Variants in NRXN3 observed in about 807,000 individuals in gnomAD.
NRXN3 encodes the protein neurexin 3.
NRXN3 carries 32 observed loss-of-function variants against 137.6 expected under a neutral mutation model. The ratio of observed to expected loss-of-function variants is 0.23; its 90% confidence interval spans 0.18 to 0.31. The LOEUF is 0.31. Among genes scored for constraint, NRXN3 ranks in the 10% least tolerant of loss-of-function variants. The probability of loss-of-function intolerance (pLI) is 1.00; values close to 1 mark genes in which losing one functional copy is unlikely to be tolerated. For synonymous variants in NRXN3, 798 were observed against 784.5 expected, an observed-to-expected ratio of 1.02 and a Z score of -0.29; for missense variants, 1,574 against 2,062.5, an observed-to-expected ratio of 0.76 and a Z score of 4.59.
intron 19 of NRXN3, among the ~76,000 whole-genome samples, chr14:79,744,954 G>T (rs1568088489): frequency 6.6e-6 from 1 of 151,084 alleles, no homozygotes; most frequent in East Asian, 1.9e-4. Flanking sequence ...CTAGGGCAAG[G>T]TCAGAAGATA....
At chr14:79,595,294 G>C (rs2097849163) in intron 16 of NRXN3, among the ~76,000 whole-genome samples, 1 of 152,136 alleles carries the variant, frequency 6.6e-6, no homozygotes, top group African/African-American at 2.4e-5. Flanking sequence ...GCATATGAAA[G>C]ATTTATGGTA....
intron 15 of NRXN3, among the ~76,000 whole-genome samples, chr14:79,108,399 A>C (rs944421009): frequency 6.6e-6 from 1 of 152,136 alleles, no homozygotes; most frequent in African/African-American, 2.4e-5. Context: ...ACACACACAA[A>C]AACATCGTTT....
intron 4 of NRXN3, among the ~76,000 whole-genome samples, chr14:78,323,037 AG>A (rs1384186866): frequency 6.6e-6 from 1 of 152,072 alleles, no homozygotes; most frequent in Non-Finnish European, 1.5e-5. Flanking sequence ...CTACAAATAA[AG>A]GCTTGATGTT....
chr14:78,594,032 C>T (rs1222135581), intron 4 of NRXN3, among the ~76,000 whole-genome samples: 4 of 152,196 alleles, frequency 2.6e-5, no homozygotes, highest in African/African-American at 9.7e-5. Flanking sequence ...GCCACCCCAC[C>T]CAGAGCATGC....
intron 15 of NRXN3, among the ~76,000 whole-genome samples, chr14:79,334,552 G>A (rs1598838740): frequency 6.6e-6 from 1 of 152,188 alleles, no homozygotes; most frequent in East Asian, 1.9e-4. Context: ...AGATAACCAG[G>A]AGCATATTGT....
chr14:79,764,429 A>C (rs750382092), intron 19 of NRXN3, among the ~76,000 whole-genome samples: 112 of 152,282 alleles, frequency 7.4e-4, no homozygotes, highest in Non-Finnish European at 1.1e-3. Context: ...TGCATTGTAA[A>C]TATTAGCTCA....
At chr14:79,741,727 C>G (rs1317102572) in intron 19 of NRXN3, among the ~76,000 whole-genome samples, 1 of 151,886 alleles carries the variant, frequency 6.6e-6, no homozygotes, top group Non-Finnish European at 1.5e-5. Flanking sequence ...CTCAAGTGAT[C>G]TGCCCACCTC....
chr14:78,520,189 T>G (rs2096266588), intron 4 of NRXN3, among the ~76,000 whole-genome samples: 1 of 152,178 alleles, frequency 6.6e-6, no homozygotes. Context: ...GGACCTTGCC[T>G]TGGATACTAC....
Position 78,612,450 on chromosome 14 carries a change from A to G in NRXN3, c.758-32670A>G, listed in dbSNP as rs542477514. 2.0e-5 allele frequency among the ~76,000 whole-genome samples: 3 copies of G among 152,330 alleles called. No homozygotes were observed. In the South Asian group the frequency reaches 6.2e-4, roughly 32 times the overall value. ...ATAGTGGTTTTCAATCATATGAAAGAATGATTTATATTGATAAAGAGATCA... is the reference window on the plus strand; with the variant it reads ...ATAGTGGTTTTCAATCATATGAAAGGATGATTTATATTGATAAAGAGATCA... On this transcript the variant is annotated intron_variant, in intron 4 of 20. Coordinates refer to ENST00000335750, the MANE Select transcript of NRXN3 (RefSeq NM_001330195.2).
At chr14:78,359,393 C>G (rs748846239) in intron 4 of NRXN3, among the ~76,000 whole-genome samples, 1 of 151,912 alleles carries the variant, frequency 6.6e-6, no homozygotes, top group Non-Finnish European at 1.5e-5. Flanking sequence ...ACTGTGCAGT[C>G]ACAGAGGGCC....
intron 4 of NRXN3, among the ~76,000 whole-genome samples, chr14:78,343,957 A>T (rs2082421206): frequency 6.6e-6 from 1 of 152,238 alleles, no homozygotes; most frequent in Admixed American, 6.5e-5. Flanking sequence ...CTTGCTGCAC[A>T]TTAGAATCAT....
intron 14 of NRXN3, among the ~76,000 whole-genome samples, chr14:78,978,709 TTATA>T (rs1434222433): frequency 6.7e-6 from 1 of 148,160 alleles, no homozygotes; most frequent in African/African-American, 2.5e-5. Context: ...TATATGCATC[TTATA>T]TATAATATAT....
intron 8 of NRXN3, among the ~76,000 whole-genome samples, chr14:78,720,703 A>G (rs925483635): frequency 6.6e-6 from 1 of 152,210 alleles, no homozygotes; most frequent in Non-Finnish European, 1.5e-5. Context: ...GGACAACTAT[A>G]TAGCATGTAG....
In NRXN3 at chr14:79,569,717, T is replaced by G. The variant is rs145360917; in HGVS notation, c.3445-94061T>G. ...TCCGTCTCCCGGGTTCAAGTGATTCTCATGCCTCAGCCTCCTGAGTAGCTG... is the reference window on the plus strand; with the variant it reads ...TCCGTCTCCCGGGTTCAAGTGATTCGCATGCCTCAGCCTCCTGAGTAGCTG... On this transcript the variant is annotated intron_variant, in intron 16 of 20. Coordinates refer to ENST00000335750, the MANE Select transcript of NRXN3 (RefSeq NM_001330195.2). 9.4e-3 allele frequency among the ~76,000 whole-genome samples: 1,427 copies of G among 152,114 alleles called. 25 individuals carry two copies. Among genetic ancestry groups the G allele is most frequent in the African/African-American group, 0.033 (1,356 of 41,476 alleles).
chr14:78,513,201 G>C (rs1319655459), intron 4 of NRXN3, among the ~76,000 whole-genome samples: 1 of 152,186 alleles, frequency 6.6e-6, no homozygotes, highest in Non-Finnish European at 1.5e-5. Flanking sequence ...TTAGCTCTGT[G>C]TGATCTTGCA....
chr14:79,033,859 T>C (rs1440232871), intron 15 of NRXN3, among the ~76,000 whole-genome samples: 1 of 152,136 alleles, frequency 6.6e-6, no homozygotes, highest in Non-Finnish European at 1.5e-5. Flanking sequence ...CCGGAGCTCT[T>C]AATGGGCATC....
intron 15 of NRXN3, chr14:79,279,973 G>T (rs1197433835): frequency 1.7e-6 from 2 of 1,153,022 alleles, no homozygotes; most frequent in Non-Finnish European, 2.1e-6. Flanking sequence ...TCCGGAGGAA[G>T]CCGCGCCGGT....
chr14:79,157,266 T>C (rs1039629114), intron 15 of NRXN3, among the ~76,000 whole-genome samples: 3 of 151,826 alleles, frequency 2.0e-5, no homozygotes, highest in Admixed American at 6.6e-5. Flanking sequence ...ATTTTCACTT[T>C]GATTTCAGCA....
chr14:79,337,418 G>A (rs1175560825), intron 15 of NRXN3, among the ~76,000 whole-genome samples: 1 of 152,118 alleles, frequency 6.6e-6, no homozygotes, highest in Admixed American at 6.5e-5. Context: ...GCTCCAAATG[G>A]CAATCCCTCA....
Sources: gnomAD v4.1 joint callset for allele counts (sites outside exome capture counted in the v4.1 genomes callset) on GRCh38, gnomAD v4.1.1 for gene constraint, MANE v1.5 for transcripts, NCBI Gene and HGNC (gene_info 2026-07-23, HGNC 2026-07-21) for gene names.